Variants in DIAPH2 observed in about 807,000 individuals in gnomAD.
DIAPH2 encodes the protein diaphanous related formin 2, also known as protein diaphanous homolog 2.
DIAPH2 carries 35 observed loss-of-function variants against 92.7 expected under a neutral mutation model. That is an observed-to-expected ratio of 0.38 (90% CI 0.29 to 0.50). DIAPH2 has a LOEUF of 0.50. Ranked by LOEUF, DIAPH2 falls within the 20% of genes least tolerant of loss-of-function variation. The pLI, the probability that DIAPH2 is intolerant of heterozygous loss-of-function variation, is 0.94. For synonymous variants in DIAPH2, 301 were observed against 280.4 expected (o/e 1.07, Z -0.73); for missense variants, 701 against 819.5 (o/e 0.86, Z 1.77).
At chrX:97,001,422 AT>A (rs2066143027) in intron 17 of DIAPH2, among the ~76,000 whole-genome samples, 1 of 112,032 alleles carries the variant, frequency 8.9e-6, no homozygotes, top group Non-Finnish European at 1.9e-5. Flanking sequence ...AGGCGGGTAG[AT>A]CACGAGGTCA....
At chrX:97,178,676 T>C (rs1286803161) in intron 22 of DIAPH2, among the ~76,000 whole-genome samples, 1 of 110,180 alleles carries the variant, frequency 9.1e-6, no homozygotes, top group Non-Finnish European at 1.9e-5. Context: ...TGGACAGGTC[T>C]ATATTTCTTT....
chrX:97,412,406 A>G (rs1042124127), intron 25 of DIAPH2, among the ~76,000 whole-genome samples: 7 of 112,152 alleles, frequency 6.2e-5, no homozygotes, highest in South Asian at 3.7e-4. Flanking sequence ...TTAAAGCAGC[A>G]TGTAGAGGAA....
At chrX:96,943,402 C>T (rs751502208) in intron 13 of DIAPH2, among the ~76,000 whole-genome samples, 161 of 111,181 alleles carry the variant, frequency 1.4e-3, no homozygotes, top group Non-Finnish European at 2.7e-3. Flanking sequence ...TTCAAAAAGC[C>T]AAATGCTTTT....
At chrX:97,032,903 A>T (rs1260494881) in intron 17 of DIAPH2, among the ~76,000 whole-genome samples, 1 of 111,589 alleles carries the variant, frequency 9.0e-6, no homozygotes, top group Non-Finnish European at 1.9e-5. Context: ...CAGTATCTCT[A>T]TTGGGATCAT....
At chrX:97,217,116 T>C (rs1378613344) in intron 22 of DIAPH2, among the ~76,000 whole-genome samples, 1 of 111,898 alleles carries the variant, frequency 8.9e-6, no homozygotes, top group African/African-American at 3.2e-5. Flanking sequence ...AGAAATATAT[T>C]TGATGCTGGT....
chrX:97,462,398 A>C (rs761432349), intron 26 of DIAPH2, among the ~76,000 whole-genome samples: 18 of 112,226 alleles, frequency 1.6e-4, no homozygotes, highest in African/African-American at 5.8e-4. Flanking sequence ...TATAATTATC[A>C]TTTAACTAAA....
chrX:97,289,463 C>G (rs1346048523), intron 23 of DIAPH2, among the ~76,000 whole-genome samples: 1 of 111,668 alleles, frequency 9.0e-6, no homozygotes, highest in Non-Finnish European at 1.9e-5. Flanking sequence ...ACCTCAACAC[C>G]TTGAGCTGCT....
At chrX:96,812,331 A>T (rs2064690494) in intron 4 of DIAPH2, among the ~76,000 whole-genome samples, 1 of 111,835 alleles carries the variant, frequency 8.9e-6, no homozygotes, top group African/African-American at 3.2e-5. Flanking sequence ...GTATTCTCTG[A>T]TTATAGTTTG....
At chrX:96,892,633 A>G (rs1204734372) in intron 5 of DIAPH2, among the ~76,000 whole-genome samples, 1 of 112,018 alleles carries the variant, frequency 8.9e-6, no homozygotes, top group Non-Finnish European at 1.9e-5. Flanking sequence ...ACCTCTTAAT[A>G]GAAGCAAAGT....
At chrX:97,426,585 C>T (rs904891562) in intron 25 of DIAPH2, among the ~76,000 whole-genome samples, 13 of 109,892 alleles carry the variant, frequency 1.2e-4, no homozygotes, top group African/African-American at 4.0e-4. Flanking sequence ...CCACTGTGCC[C>T]GGCTAAAATT....
intron 26 of DIAPH2, among the ~76,000 whole-genome samples, chrX:97,459,265 C>T (rs749505291): frequency 6.5e-4 from 73 of 112,085 alleles, no homozygotes; most frequent in African/African-American, 2.3e-3. Flanking sequence ...AGTTGAGAGT[C>T]TCGCTTAGTG....
chrX:97,352,903 A>G (rs2147696179), intron 24 of DIAPH2, among the ~76,000 whole-genome samples: 1 of 106,272 alleles, frequency 9.4e-6, no homozygotes, highest in South Asian at 4.1e-4. Flanking sequence ...AGAACAGCAT[A>G]CAATATAGAC....
At chrX:97,024,431 A>G (rs888214379) in intron 17 of DIAPH2, among the ~76,000 whole-genome samples, 2 of 111,750 alleles carry the variant, frequency 1.8e-5, no homozygotes, top group Non-Finnish European at 1.9e-5. Context: ...AGGGATTCAG[A>G]TCATTCCCAC....
intron 15 of DIAPH2, 134 bp downstream of exon 15, chrX:96,949,173 A>G (rs1401221170): frequency 5.4e-6 from 2 of 370,204 alleles, no homozygotes; most frequent in Non-Finnish European, 9.4e-6. Context: ...TGAAATAACT[A>G]TACAGATTTT....
chrX:97,315,612 T>C (rs751136693), intron 23 of DIAPH2, among the ~76,000 whole-genome samples: 2 of 110,738 alleles, frequency 1.8e-5, no homozygotes, highest in East Asian at 5.7e-4. Flanking sequence ...AAGAAAGTGT[T>C]CTTTTTGTTT....
intron 4 of DIAPH2, among the ~76,000 whole-genome samples, chrX:96,769,703 G>C (rs1369060939): frequency 2.7e-5 from 3 of 111,278 alleles, no homozygotes; most frequent in Admixed American, 9.6e-5. Flanking sequence ...AATAATCTCA[G>C]TCAAAAAAAC....
chrX:96,686,122 G>T (rs2063769378), intron 1 of DIAPH2, among the ~76,000 whole-genome samples: 1 of 111,747 alleles, frequency 8.9e-6, no homozygotes, highest in African/African-American at 3.3e-5. Context: ...ACTCCTTAGA[G>T]CTGTATTCTT....
chrX:97,291,830 G>A (rs930294049), intron 23 of DIAPH2, among the ~76,000 whole-genome samples: 2 of 111,189 alleles, frequency 1.8e-5, no homozygotes, highest in Non-Finnish European at 3.8e-5. Context: ...GAGCCACCGG[G>A]CCCAGCAAGT....
At chrX:97,416,265 G>C (rs1343729859) in intron 25 of DIAPH2, among the ~76,000 whole-genome samples, 2 of 112,006 alleles carry the variant, frequency 1.8e-5, no homozygotes, top group African/African-American at 6.5e-5. Context: ...ACCTTCAGCT[G>C]TTTTTCTGAA....
Sources: gnomAD v4.1 joint callset for allele counts (sites outside exome capture counted in the v4.1 genomes callset) on GRCh38, gnomAD v4.1.1 for gene constraint, MANE v1.5 for transcripts, NCBI Gene and HGNC (gene_info 2026-07-23, HGNC 2026-07-21) for gene names.